Variants in RALGPS1 observed in about 807,000 individuals in gnomAD.
RALGPS1 encodes ras-specific guanine nucleotide-releasing factor RalGPS1.
Under a neutral mutation model 78.8 loss-of-function variants are expected in RALGPS1, and 19 were observed. The ratio of observed to expected loss-of-function variants is 0.24; its 90% CI spans 0.17 to 0.35. The LOEUF (loss-of-function observed/expected upper bound fraction) is 0.35, where lower values mean the gene tolerates loss of function less well. Among genes scored for constraint, RALGPS1 ranks in the 10% least tolerant of loss-of-function variants. The pLI is 1.00. For missense variants in RALGPS1, 454 were observed against 688.3 expected (o/e 0.66, Z 3.81); for synonymous variants, 228 against 256.3 (o/e 0.89, Z 1.06).
In RALGPS1 at chr9:127,220,492, T is replaced by C. The variant is rs568125362; in HGVS notation, c.*1723T>C. On this transcript the variant is annotated 3_prime_UTR_variant, in exon 19 of 19. Coordinates refer to ENST00000259351, the MANE Select transcript of RALGPS1 (RefSeq NM_014636.3). ...TCTTTTTGAGCAAAGACTAGAATAC[T>C]TTCCTCCTAAGAGAAACTCCCAGGT... 2.0e-5 allele frequency: 3 copies of C among 152,310 alleles called. No individual in the cohort carries two copies. The highest frequency in any genetic ancestry group is 7.2e-5 in the African/African-American group (3 of 41,560). 9.4% of individuals were successfully genotyped at this position (152,310 alleles called of 1,614,324 possible).
intron 10 of RALGPS1, among the ~76,000 whole-genome samples, chr9:127,172,452 C>T (rs1310640337): frequency 2.0e-5 from 3 of 152,216 alleles, no homozygotes; most frequent in Admixed American, 1.3e-4. Flanking sequence ...ACCATGGTGT[C>T]GTCATCTTTC....
intron 4 of RALGPS1, among the ~76,000 whole-genome samples, chr9:127,002,448 CTTTT>C: frequency 7.8e-6 from 1 of 127,644 alleles, no homozygotes; most frequent in Admixed American, 7.6e-5. Flanking sequence ...TTTTTTTTTT[CTTTT>C]TTTTTTATTA....
At chr9:127,138,224 G>A (rs762856353) in intron 8 of RALGPS1, among the ~76,000 whole-genome samples, 17 of 152,186 alleles carry the variant, frequency 1.1e-4, no homozygotes, top group African/African-American at 3.1e-4. Flanking sequence ...AAATGTTCTC[G>A]AATGTTAGAG....
chr9:127,172,271 T>C (rs1409661138), intron 10 of RALGPS1, among the ~76,000 whole-genome samples: 1 of 152,214 alleles, frequency 6.6e-6, no homozygotes, highest in Admixed American at 6.5e-5. Context: ...CTGCAGGCCG[T>C]GTGCCGTTGC....
rs1267276108 is a variant in RALGPS1 at position 127,211,702 on chromosome 9, T to G, written c.1248-429T>G. Among the ~76,000 whole-genome samples the G allele has an allele frequency of 6.6e-6, 1 of 152,108 alleles. No homozygotes were observed. Among genetic ancestry groups the G allele is most frequent in the Admixed American group, 6.5e-5 (1 of 15,274 alleles). ...CCCTCCTGTCCCTCCACACCACCTC[T>G]TCCCTTCCTCGCTGCTCTCTGAGGC... On this transcript the variant is annotated intron_variant, in intron 14 of 18. Transcript: ENST00000259351. This position sits in a 1 kb window ranked among gnomAD's most constrained non-coding sequence, Gnocchi z 5.0.
intron 8 of RALGPS1, chr9:127,088,935 T>C: frequency 6.2e-7 from 1 of 1,614,178 alleles, no homozygotes; most frequent in Non-Finnish European, 8.5e-7. Context: ...GAGGGGGAGC[T>C]GGCTTAGTGG....
rs568083798 is a variant in RALGPS1, at chr9:126,941,118, C to A, written c.-65-21107C>A. 7.1e-4 allele frequency among the ~76,000 whole-genome samples: 85 copies of A among 119,938 alleles called. 1 individual carries two copies. The South Asian group carries it at 0.028, about 39-fold the overall frequency. The allele number at this position is 119,938 out of a possible 152,430, so 78.7% of individuals were successfully genotyped here. A position where few individuals can be genotyped will look rare whatever the true frequency, so the allele number is the denominator to read the frequency against. Reference sequence around the variant, plus strand: ...TCAAGTGTCATTTTCTCAGTGAGGACTTCTCATATACGCCCCCCCCCTTTA... The same window carrying A: ...TCAAGTGTCATTTTCTCAGTGAGGAATTCTCATATACGCCCCCCCCCTTTA... On this transcript the variant is annotated intron_variant, in intron 1 of 18. Transcript: ENST00000259351.
chr9:127,135,222 T>C (rs1367809518), intron 8 of RALGPS1, among the ~76,000 whole-genome samples: 8 of 152,206 alleles, frequency 5.3e-5, no homozygotes, highest in Admixed American at 3.9e-4. Flanking sequence ...GTTTCTAGTA[T>C]AGAGATGTCT....
intron 11 of RALGPS1, among the ~76,000 whole-genome samples, chr9:127,185,295 A>G (rs1177875410): frequency 1.3e-5 from 2 of 152,184 alleles, no homozygotes; most frequent in Non-Finnish European, 2.9e-5. Flanking sequence ...GCTTCTTCAA[A>G]GGCCTTGCTC....
At chr9:127,149,586 T>C (rs1815586) in intron 8 of RALGPS1, among the ~76,000 whole-genome samples, 151,698 of 152,380 alleles carry the variant, frequency 1, 75,518 homozygotes, top group Middle Eastern at 1. Flanking sequence ...AAGGCCTGTG[T>C]GCCTACCCTC....
chr9:127,076,187 A>G (rs980102236), intron 8 of RALGPS1, among the ~76,000 whole-genome samples: 3 of 152,260 alleles, frequency 2.0e-5, no homozygotes, highest in African/African-American at 7.2e-5. Context: ...GAATGATAAC[A>G]AAAGCAAGCA....
chr9:127,193,086 A>G (rs934475637), intron 11 of RALGPS1, among the ~76,000 whole-genome samples: 2 of 152,162 alleles, frequency 1.3e-5, no homozygotes, highest in Non-Finnish European at 2.9e-5. Context: ...GAGAGACTAG[A>G]GCTTGCCTGT....
chr9:127,177,236 T>C (rs1216984379), intron 11 of RALGPS1, among the ~76,000 whole-genome samples: 2 of 152,028 alleles, frequency 1.3e-5, no homozygotes, highest in Non-Finnish European at 2.9e-5. Context: ...AGGCTGCAGC[T>C]CTGGGTGGGC....
At chr9:127,168,641 A>AG (rs1383487545) in intron 9 of RALGPS1, 38 bp from the exon 10 acceptor site, 1 of 1,425,204 alleles carries the variant, frequency 7.0e-7, no homozygotes. Flanking sequence ...TAAAGATGGG[A>AG]GAGCCTAAAG....
chr9:127,174,528 GTCTT>G (rs1357057422), intron 10 of RALGPS1, among the ~76,000 whole-genome samples, 183 bp from the exon 11 acceptor site: 1 of 152,122 alleles, frequency 6.6e-6, no homozygotes, highest in African/African-American at 2.4e-5. Flanking sequence ...TTTTCACTTT[GTCTT>G]TCTTAACCAT....
chr9:127,069,128 G>C (rs1331925282), intron 7 of RALGPS1, 102 bp from the exon 8 acceptor site: 3 of 1,173,540 alleles, frequency 2.6e-6, no homozygotes, highest in Non-Finnish European at 3.6e-6. Context: ...GCACACCATA[G>C]ATATGTCACT....
chr9:127,149,433 A>G (rs144529354), intron 8 of RALGPS1, among the ~76,000 whole-genome samples: 1,597 of 152,358 alleles, frequency 0.01, 32 homozygotes, highest in African/African-American at 0.036. Context: ...GGAGCTCGGC[A>G]CCATGAGCCT....
At chr9:127,152,586 T>C (rs1032533069) in intron 8 of RALGPS1, among the ~76,000 whole-genome samples, 17 of 152,184 alleles carry the variant, frequency 1.1e-4, no homozygotes, top group African/African-American at 2.7e-4. Context: ...CCAGGAGATA[T>C]GAATTATTTT....
At chr9:126,992,750 G>T (rs1284353655) in intron 4 of RALGPS1, among the ~76,000 whole-genome samples, 1 of 152,206 alleles carries the variant, frequency 6.6e-6, no homozygotes. Context: ...AGTTTGCATT[G>T]TATAGGCCTT....
Sources: allele counts gnomAD v4.1 joint callset (sites outside exome capture counted in the v4.1 genomes callset), GRCh38; gene constraint gnomAD v4.1.1; non-coding constraint Gnocchi (gnomAD v3.1); transcripts MANE v1.5; gene names NCBI Gene and HGNC (gene_info 2026-07-23, HGNC 2026-07-21).